PPP1R12A: variants seen among roughly 807,000 people sequenced by gnomAD.
PPP1R12A encodes myosin binding subunit.
A neutral mutation model predicts 139.6 loss-of-function variants in PPP1R12A; 19 were observed. The ratio of observed to expected loss-of-function variants is 0.14; its 90% CI spans 0.09 to 0.20. The LOEUF is 0.20. Ranked by LOEUF, PPP1R12A falls within the 10% of genes least tolerant of loss-of-function variation. The pLI, the probability that PPP1R12A is intolerant of heterozygous loss-of-function variation, is 1.00. For missense variants in PPP1R12A, 925 were observed against 1,211.5 expected, an observed-to-expected ratio of 0.76 and a Z score of 3.51; for synonymous variants, 427 against 420.6, an observed-to-expected ratio of 1.02 and a Z score of -0.19.
chr12:79,790,391 T>C (rs1164898712), intron 20 of PPP1R12A, 76 bp downstream of exon 20: 5 of 1,046,730 alleles, frequency 4.8e-6, no homozygotes, highest in African/African-American at 1.6e-5. Flanking sequence ...ACAAAATCCA[T>C]AAATTCCTAG....
At position 79,786,420 on chromosome 12, in the gene PPP1R12A, T is replaced by C. The variant is rs61754237; in HGVS notation, c.2861A>G (p.Asn954Ser). ...EKLKAQLHDT[N>S]MELTDLKLQL... ...TAATTTAAGATCTGTTAGTTCCATA[T>C]TTGTATCATGTAGCTGTGCCTTCAG... The change falls in exon 22 of 25, where the codon AAT (asparagine) becomes AGT (serine). Residue 954 changes from asparagine (N) to serine (S), a missense_variant. Around this residue, in one of 4 missense-constraint regions of PPP1R12A, gnomAD observed 315 missense variants for 363.4 expected, o/e 0.87. Transcript: ENST00000450142. 270 of 1,564,348 alleles carry C rather than the reference T, an allele frequency of 1.7e-4. 1 individual carries two copies. Among genetic ancestry groups the C allele is most frequent in the Middle Eastern group, 1.2e-3 (7 of 5,968 alleles).
intron 9 of PPP1R12A, among the ~76,000 whole-genome samples, chr12:79,810,884 CT>C (rs11399892): frequency 0.081 from 12,121 of 148,856 alleles, 814 homozygotes; most frequent in East Asian, 0.33. Context: ...AATTATAATA[CT>C]TTTTTTTTTA....
rs143850672 is a variant in PPP1R12A, at chr12:79,925,420, T to G, written c.237+9275A>C. 6.0e-3 allele frequency among the ~76,000 whole-genome samples: 917 copies of G among 152,314 alleles called. 4 individuals carry two copies. The highest frequency in any genetic ancestry group is 0.017 in the Middle Eastern group (5 of 294). Reference sequence around the variant, plus strand: ...ATGAGCTTTGTACAATCTTATGATTTTATTGTTAGAGGTCATGTTAAACTA... The same window carrying G: ...ATGAGCTTTGTACAATCTTATGATTGTATTGTTAGAGGTCATGTTAAACTA... On this transcript the variant is annotated intron_variant, in intron 1 of 24. Coordinates refer to ENST00000450142, the MANE Select transcript of PPP1R12A (RefSeq NM_002480.3).
At chr12:79,907,050 A>G (rs772697360) in intron 1 of PPP1R12A, among the ~76,000 whole-genome samples, 6 of 152,164 alleles carry the variant, frequency 3.9e-5, no homozygotes, top group Non-Finnish European at 8.8e-5. Context: ...CTTCATTAAT[A>G]TATAAATACA....
At chr12:79,852,335 C>A (rs1055791225) in intron 2 of PPP1R12A, among the ~76,000 whole-genome samples, 4 of 152,000 alleles carry the variant, frequency 2.6e-5, no homozygotes, top group Admixed American at 2.6e-4. Context: ...GCATTATAGG[C>A]ATGTGCCATC....
At chr12:79,796,401 A>C (rs1872521326) in intron 17 of PPP1R12A, among the ~76,000 whole-genome samples, 1 of 152,166 alleles carries the variant, frequency 6.6e-6, no homozygotes, top group Admixed American at 6.5e-5. Flanking sequence ...ATTTTAGTTT[A>C]CAACAATTTC....
At chr12:79,833,953 G>C (rs1565767082) in intron 3 of PPP1R12A, among the ~76,000 whole-genome samples, 1 of 151,508 alleles carries the variant, frequency 6.6e-6, no homozygotes, top group Non-Finnish European at 1.5e-5. Context: ...CATTTCCTCA[G>C]CTAAGATTCT....
At chr12:79,864,439 CAA>C (rs1471632787) in intron 2 of PPP1R12A, among the ~76,000 whole-genome samples, 2 of 151,808 alleles carry the variant, frequency 1.3e-5, no homozygotes, top group Non-Finnish European at 2.9e-5. Context: ...ACTAGAGAAA[CAA>C]GAGCAAACAA....
At chr12:79,842,206 GCTC>G (rs1878803058) in intron 3 of PPP1R12A, among the ~76,000 whole-genome samples, 1 of 152,030 alleles carries the variant, frequency 6.6e-6, no homozygotes, top group South Asian at 2.1e-4. Flanking sequence ...TACAGTCCCA[GCTC>G]CTCAAGAGGC....
intron 10 of PPP1R12A, 45 bp from the exon 11 acceptor site, chr12:79,808,622 G>T: frequency 1.8e-6 from 2 of 1,101,828 alleles, no homozygotes; most frequent in South Asian, 1.4e-5. Flanking sequence ...TTTGGGTACT[G>T]ACTATAGGCA....
At chr12:79,785,664 T>C (rs1035551204) in intron 22 of PPP1R12A, among the ~76,000 whole-genome samples, 1 of 152,200 alleles carries the variant, frequency 6.6e-6, no homozygotes. Context: ...CCTTAGAGCC[T>C]TTAGCATATA....
upstream of PPP1R12A, chr12:79,935,286 G>T (rs1277033092): frequency 1.9e-5 from 20 of 1,068,952 alleles, no homozygotes; most frequent in Middle Eastern, 8.4e-4. Context: ...CCCGCGAACT[G>T]CGGCGGTGGT....
chr12:79,851,573 A>G (rs923047670), intron 2 of PPP1R12A, among the ~76,000 whole-genome samples: 1 of 151,948 alleles, frequency 6.6e-6, no homozygotes, highest in Non-Finnish European at 1.5e-5. Context: ...TTAATCTTCA[A>G]TTTTCAAAAG....
At chr12:79,916,185 TACC>T (rs1272587580) in intron 1 of PPP1R12A, among the ~76,000 whole-genome samples, 20 of 152,082 alleles carry the variant, frequency 1.3e-4, no homozygotes, top group African/African-American at 4.1e-4. Context: ...ACAACAAATG[TACC>T]TATAAACAAC....
intron 2 of PPP1R12A, among the ~76,000 whole-genome samples, chr12:79,859,101 C>G (rs913857861): frequency 6.6e-6 from 1 of 151,848 alleles, no homozygotes; most frequent in African/African-American, 2.4e-5. Flanking sequence ...AGTGGGAGGC[C>G]AAGGCGGGCA....
intron 1 of PPP1R12A, among the ~76,000 whole-genome samples, chr12:79,907,061 GA>G (rs1248726724): frequency 6.6e-6 from 1 of 152,010 alleles, no homozygotes; most frequent in African/African-American, 2.4e-5. Context: ...TATAAATACA[GA>G]TTATAATAAC....
At chr12:79,890,905 CCACACACACACACACACACA>C (rs1303227049) in intron 1 of PPP1R12A, among the ~76,000 whole-genome samples, 1 of 115,682 alleles carries the variant, frequency 8.6e-6, no homozygotes, top group Non-Finnish European at 1.7e-5. Flanking sequence ...CCACACCCAC[CCACACACACACACACACACA>C]CACACACACA....
In PPP1R12A at chr12:79,806,399, C is replaced by T. The variant is rs916686433; in HGVS notation, c.1656-66G>A. On this transcript the variant is annotated intron_variant, in intron 12 of 24. Transcript: ENST00000450142. ...GTGTATTCTATAGTTAATGTCTATA[C>T]ATTATATAAATTACAAGGCTAGAAA... 7 of 1,383,040 alleles carry T rather than the reference C, an allele frequency of 5.1e-6. No homozygotes were observed. The African/African-American group carries it at 7.3e-5, about 14-fold the overall frequency. The allele number at this position is 1,383,040 out of a possible 1,614,324, so 85.7% of individuals were successfully genotyped here. A position where few individuals can be genotyped will look rare whatever the true frequency, so the allele number is the denominator to read the frequency against.
chr12:79,820,638 A>C, intron 8 of PPP1R12A, 136 bp downstream of exon 8: 9 of 824,460 alleles, frequency 1.1e-5, no homozygotes, highest in Non-Finnish European at 1.7e-5. Context: ...GCATTCACTG[A>C]AAGATAATTT....
Sources: gnomAD v4.1 joint callset for allele counts (sites outside exome capture counted in the v4.1 genomes callset) on GRCh38, gnomAD v4.1.1 for gene constraint, gnomAD v4.1.1 regional missense constraint, MANE v1.5 for transcripts, NCBI Gene and HGNC (gene_info 2026-07-23, HGNC 2026-07-21) for gene names.